Variants in PDE3B observed in about 807,000 individuals in gnomAD.
The protein encoded by PDE3B is phosphodiesterase 3B, also known as cGMP-inhibited 3',5'-cyclic phosphodiesterase 3B.
A neutral mutation model predicts 116.8 loss-of-function variants in PDE3B; 66 were observed. The observed-to-expected ratio is 0.56, with a 90% CI of 0.46 to 0.69. PDE3B has a LOEUF of 0.69. Ranked by LOEUF, PDE3B falls within the 30% of genes least tolerant of loss-of-function variation. The pLI is 0.00. For missense variants in PDE3B, 1,384 were observed against 1,368.1 expected (o/e 1.01, Z -0.18); for synonymous variants, 595 against 533.6 (o/e 1.12, Z -1.59).
intron 1 of PDE3B, among the ~76,000 whole-genome samples, chr11:14,688,772 G>T (rs1284375721): frequency 1.3e-5 from 2 of 151,888 alleles, no homozygotes; most frequent in East Asian, 1.9e-4. Context: ...TTTTTTTGTT[G>T]TTGTTGTTGT....
At chr11:14,646,283 C>T (rs1057435317) in intron 1 of PDE3B, among the ~76,000 whole-genome samples, 1 of 152,118 alleles carries the variant, frequency 6.6e-6, no homozygotes, top group African/African-American at 2.4e-5. Flanking sequence ...GTCTTCTCTT[C>T]GAAATAATCT....
At chr11:14,752,428 AAAAG>A (rs746882725) in intron 1 of PDE3B, among the ~76,000 whole-genome samples, 9 of 152,170 alleles carry the variant, frequency 5.9e-5, no homozygotes, top group Admixed American at 5.2e-4. Context: ...AAAGAAAAGA[AAAAG>A]AAAGAAAATT....
rs1439125865 is a variant in PDE3B at position 14,843,872 on chromosome 11, C to T, written c.2366C>T (p.Ser789Leu). ...INHGRIAYISSKSCSNPDESY... is the reference protein window; with the variant it reads ...INHGRIAYISLKSCSNPDESY... Reference sequence around the variant, plus strand: ...CATGGGCGAATTGCTTATATTTCTTCGAAGAGCTGCTCTAATCCTGATGAG... The same window carrying T: ...CATGGGCGAATTGCTTATATTTCTTTGAAGAGCTGCTCTAATCCTGATGAG... Residue 789 changes from serine (S) to leucine (L), a missense_variant, in exon 12 of 16, where the codon TCG becomes TTG. Physicochemically the swap from Ser to Leu is moderately radical, Grantham distance 145 (BLOSUM62 -2). Transcript: ENST00000282096. The T allele has an allele frequency of 1.2e-5, 20 of 1,614,056 alleles. No homozygotes were observed. The highest frequency in any genetic ancestry group is 1.5e-5 in the Non-Finnish European group (18 of 1,179,954).
intron 1 of PDE3B, among the ~76,000 whole-genome samples, chr11:14,689,898 C>CCTCAT (rs1270970566): frequency 6.6e-6 from 1 of 152,118 alleles, no homozygotes; most frequent in Non-Finnish European, 1.5e-5. Context: ...TCTGACTTAC[C>CCTCAT]CTCATGTCAT....
intron 5 of PDE3B, among the ~76,000 whole-genome samples, chr11:14,813,442 C>T (rs958409766): frequency 3.3e-5 from 5 of 152,134 alleles, no homozygotes; most frequent in East Asian, 3.9e-4. Flanking sequence ...TGAATCCTGA[C>T]GCTGCCATCT....
chr11:14,660,856 T>C (rs1376461977), intron 1 of PDE3B, among the ~76,000 whole-genome samples: 1 of 152,182 alleles, frequency 6.6e-6, no homozygotes, highest in Non-Finnish European at 1.5e-5. Context: ...AAGATAAGAA[T>C]TTTTGCCTGT....
chr11:14,741,844 A>G (rs1856783372), intron 1 of PDE3B, among the ~76,000 whole-genome samples: 2 of 152,050 alleles, frequency 1.3e-5, no homozygotes, highest in South Asian at 4.1e-4. Context: ...TCCTTTGTTT[A>G]TCAAGCTTTA....
At chr11:14,647,133 A>G (rs570880936) in intron 1 of PDE3B, among the ~76,000 whole-genome samples, 21 of 152,046 alleles carry the variant, frequency 1.4e-4, no homozygotes, top group Non-Finnish European at 2.8e-4. Context: ...ATATATTGAG[A>G]GGAAATCAGT....
chr11:14,688,139 CT>C (rs1165696372), intron 1 of PDE3B, among the ~76,000 whole-genome samples: 23 of 124,220 alleles, frequency 1.9e-4, no homozygotes, highest in South Asian at 5.3e-4. Flanking sequence ...CTCTCTCTCT[CT>C]CTCCCTCCCT....
intron 1 of PDE3B, among the ~76,000 whole-genome samples, chr11:14,740,084 A>G (rs1343490649): frequency 6.6e-6 from 1 of 152,134 alleles, no homozygotes; most frequent in Non-Finnish European, 1.5e-5. Flanking sequence ...TGTCTCTGCC[A>G]GGTTTTGGTA....
chr11:14,803,790 A>C (rs1858839613), intron 4 of PDE3B, among the ~76,000 whole-genome samples, 154 bp from the exon 5 acceptor site: 2 of 152,172 alleles, frequency 1.3e-5, no homozygotes, highest in South Asian at 4.1e-4. Context: ...TTTACAGAAA[A>C]AGTTTGCTGA....
chr11:14,693,537 AT>A (rs769644745), intron 1 of PDE3B, among the ~76,000 whole-genome samples: 4 of 152,166 alleles, frequency 2.6e-5, no homozygotes, highest in Non-Finnish European at 4.4e-5. Context: ...CTTAAGAATT[AT>A]GGTAAATCTA....
rs141128880 is a variant in PDE3B at position 14,679,119 on chromosome 11, C to A, written c.978+34066C>A. On this transcript the variant is annotated intron_variant, in intron 1 of 15. Transcript: ENST00000282096. ...CTGTCACATTGATCAATGTGTCATT[C>A]CCTCTGCCAATACCACACTGTCTTG... Among the ~76,000 whole-genome samples, 52 of 152,104 alleles carry A rather than the reference C, an allele frequency of 3.4e-4. No homozygotes were observed. In the East Asian group the frequency reaches 9.5e-3, roughly 28 times the overall value.
chr11:14,793,078 A>G (rs1383038435), intron 4 of PDE3B, among the ~76,000 whole-genome samples: 1 of 152,188 alleles, frequency 6.6e-6, no homozygotes, highest in Non-Finnish European at 1.5e-5. Context: ...TGGTATCCAT[A>G]TGAGATTATG....
chr11:14,852,197 C>G (rs1847766729), intron 12 of PDE3B, among the ~76,000 whole-genome samples: 1 of 152,154 alleles, frequency 6.6e-6, no homozygotes, highest in African/African-American at 2.4e-5. Flanking sequence ...GCTGGGATTA[C>G]AGGTGCCTGC....
At chr11:14,831,848 A>G in intron 9 of PDE3B, 71 bp downstream of exon 9, 2 of 1,089,064 alleles carry the variant, frequency 1.8e-6, no homozygotes, top group Non-Finnish European at 2.7e-6. Flanking sequence ...AGCAAAATCT[A>G]ATATGTAATG....
intron 6 of PDE3B, 138 bp downstream of exon 6, chr11:14,818,531 CA>C: frequency 1.6e-6 from 1 of 618,638 alleles, no homozygotes; most frequent in South Asian, 2.1e-5. Flanking sequence ...AATGAAATGA[CA>C]TTATTTTAAG....
chr11:14,797,601 C>T (rs1034121866), intron 4 of PDE3B, among the ~76,000 whole-genome samples: 2 of 152,052 alleles, frequency 1.3e-5, no homozygotes, highest in Non-Finnish European at 2.9e-5. Flanking sequence ...TCTCTTATTT[C>T]CTTGAGCAGT....
chr11:14,891,096 AG>A, the PDE3B span: 1 of 985,396 alleles, frequency 1.0e-6, no homozygotes, highest in South Asian at 4.7e-5. Flanking sequence ...AAAACAGGTG[AG>A]CTCTGTCCCA....
Sources: gnomAD v4.1 joint callset for allele counts (sites outside exome capture counted in the v4.1 genomes callset) on GRCh38, gnomAD v4.1.1 for gene constraint, MANE v1.5 for transcripts, NCBI Gene and HGNC (gene_info 2026-07-23, HGNC 2026-07-21) for gene names.